Variants in PPP3R2 observed in about 807,000 individuals in gnomAD.
The protein encoded by PPP3R2 is calcineurin subunit B type 2.
For synonymous variants in PPP3R2, 91 were observed against 91.5 expected (o/e 0.99, Z 0.03); for missense variants, 225 against 217.4 (o/e 1.03, Z -0.22).
At position 101,593,450 on chromosome 9, in the gene PPP3R2, A is replaced by G. The variant is rs767199481; in HGVS notation, c.*959T>C. The G allele has an allele frequency of 1.3e-5, 2 of 152,280 alleles. No individual in the cohort carries two copies. The highest frequency in any genetic ancestry group is 2.9e-5 in the Non-Finnish European group (2 of 68,074). 9.4% of individuals were successfully genotyped at this position (152,280 alleles called of 1,614,324 possible). Reference sequence around the variant, plus strand: ...TGGAGACACAATTGTCAGTCTCTGCATCTGTGAGCAACAGACATAATGCCA... The same window carrying G: ...TGGAGACACAATTGTCAGTCTCTGCGTCTGTGAGCAACAGACATAATGCCA... On this transcript the variant is annotated 3_prime_UTR_variant, in exon 1 of 1. Coordinates refer to ENST00000374806, the MANE Select transcript of PPP3R2 (RefSeq NM_147180.4).
rs1370667070 is a variant in PPP3R2, at chr9:101,594,208, C to T, written c.*201G>A. 5.0e-6 allele frequency: 3 copies of T among 603,024 alleles called. No homozygotes were observed. The highest frequency in any genetic ancestry group is 8.2e-6 in the Non-Finnish European group (3 of 367,380). 37.4% of individuals were successfully genotyped at this position (603,024 alleles called of 1,614,324 possible). A position where few individuals can be genotyped will look rare whatever the true frequency, so the allele number is the denominator to read the frequency against. On this transcript the variant is annotated 3_prime_UTR_variant, in exon 1 of 1. Coordinates refer to ENST00000374806, the MANE Select transcript of PPP3R2 (RefSeq NM_147180.4). ...ACTATGCTCATTTGACTTGCTCTTC[C>T]CCCTATAGGGTACCCTGAGTCATTC... is the stretch of plus-strand genomic sequence containing the variant.
In PPP3R2 at chr9:101,594,945, G is replaced by C; in HGVS notation, c.-24C>G. ...ATTGTGGACATCTGGCAACGGCCAC[G>C]GCTCAAAGGGTCGGAGAGGGGAGCA... On this transcript the variant is annotated 5_prime_UTR_variant, in exon 1 of 1. Coordinates refer to ENST00000374806, the MANE Select transcript of PPP3R2 (RefSeq NM_147180.4). The C allele has an allele frequency of 6.3e-7, 1 of 1,589,758 alleles. No individual in the cohort carries two copies. Among genetic ancestry groups the C allele is most frequent in the African/African-American group, 1.3e-5 (1 of 74,882 alleles).
Position 101,594,960 on chromosome 9 carries a change from A to T in PPP3R2, c.-39T>A. On this transcript the variant is annotated 5_prime_UTR_variant, in exon 1 of 1. Coordinates refer to ENST00000374806, the MANE Select transcript of PPP3R2 (RefSeq NM_147180.4). ...CAACGGCCACGGCTCAAAGGGTCGG[A>T]GAGGGGAGCAGGGGCGGTGAGCTCG... The T allele has an allele frequency of 6.4e-7, 1 of 1,574,572 alleles. No individual in the cohort carries two copies. The highest frequency in any genetic ancestry group is 8.6e-7 in the Non-Finnish European group (1 of 1,167,044).
chr9:101,592,091 G>T lies in PPP3R2; in HGVS notation c.*2318C>A, dbSNP rs1387561826. 2 of 152,150 alleles carry T rather than the reference G, an allele frequency of 1.3e-5. No homozygotes were observed. The highest frequency in any genetic ancestry group is 2.9e-5 in the Non-Finnish European group (2 of 68,022). The allele number at this position is 152,150 out of a possible 1,614,324, so 9.4% of individuals were successfully genotyped here. A position where few individuals can be genotyped will look rare whatever the true frequency, so the allele number is the denominator to read the frequency against. On this transcript the variant is annotated 3_prime_UTR_variant, in exon 1 of 1. Coordinates refer to ENST00000374806, the MANE Select transcript of PPP3R2 (RefSeq NM_147180.4). ...AATTCCTCCACAAAAAGTTAAATAG[G>T]TTGGGCTGGAATGAGAGATTTTGTT...
Position 101,593,720 on chromosome 9 carries a change from A to C in PPP3R2, c.*689T>G, listed in dbSNP as rs989051285. 5.9e-5 allele frequency: 9 copies of C among 152,204 alleles called. No homozygotes were observed. The highest frequency in any genetic ancestry group is 2.2e-4 in the African/African-American group (9 of 41,440). 9.4% of individuals were successfully genotyped at this position (152,204 alleles called of 1,614,324 possible). A position where few individuals can be genotyped will look rare whatever the true frequency, so the allele number is the denominator to read the frequency against. ...AATGAGGATGATGGCTGAGCTGGGC[A>C]CTTAGTCCAGGCTTAGCATTTCCTA... On this transcript the variant is annotated 3_prime_UTR_variant, in exon 1 of 1. Transcript: ENST00000374806.
rs1346281625 is a variant in PPP3R2 at position 101,592,515 on chromosome 9, G to C, written c.*1894C>G. On this transcript the variant is annotated 3_prime_UTR_variant, in exon 1 of 1. Coordinates refer to ENST00000374806, the MANE Select transcript of PPP3R2 (RefSeq NM_147180.4). ...CATGCTCACACAGCTAAAAAGAAGT[G>C]AGTGTGATAACAACCCAGTTGCAAC... The C allele has an allele frequency of 6.6e-6, 1 of 152,188 alleles. No individual in the cohort carries two copies. The highest frequency in any genetic ancestry group is 1.9e-4 in the East Asian group (1 of 5,192). 9.4% of individuals were successfully genotyped at this position (152,188 alleles called of 1,614,324 possible).
At position 101,594,663 on chromosome 9, in the gene PPP3R2, C is replaced by T. The variant is rs1828088277; in HGVS notation, c.259G>A (p.Asp87Asn). Residue 87 changes from aspartate to asparagine, a missense_variant, in exon 1 of 1, where the codon GAC (aspartate) becomes AAC (asparagine). Physicochemically the swap from Asp to Asn is conservative, Grantham distance 23. Transcript: ENST00000374806. Reference protein sequence around the residue: ...LGTSQFSVKGDEEQKLRFAFS... With the variant: ...LGTSQFSVKGNEEQKLRFAFS... ...GCAAACCTCAACTTCTGCTCCTCGT[C>T]GCCCTTGACGCTGAACTGGGAGGTC... is the stretch of plus-strand genomic sequence containing the variant. The T allele has an allele frequency of 1.2e-6, 2 of 1,614,218 alleles. No homozygotes were observed. The highest frequency in any genetic ancestry group is 1.7e-6 in the Non-Finnish European group (2 of 1,180,044).
rs746497872 is a variant in PPP3R2 at position 101,594,774 on chromosome 9, G to T, written c.148C>A (p.Arg50Ser). The change falls in exon 1 of 1, where the codon CGC (arginine) becomes AGC (serine). Residue 50 changes from arginine (R) to serine (S), a missense_variant. Coordinates refer to ENST00000374806, the MANE Select transcript of PPP3R2 (RefSeq NM_147180.4). ...ACTCGCCGCACCAACGGGTTGTGGC[G>T]CAGCTCCGGCAGGGACATGAACTCC... Reference protein sequence around the residue: ...VEEFMSLPELRHNPLVRRVID... With the variant: ...VEEFMSLPELSHNPLVRRVID... 2 of 1,613,844 alleles carry T rather than the reference G, an allele frequency of 1.2e-6. No homozygotes were observed. The highest frequency in any genetic ancestry group is 1.7e-6 in the Non-Finnish European group (2 of 1,180,040).
chr9:101,594,606 A>G lies in PPP3R2; in HGVS notation c.316T>C (p.Tyr106His). 1 of 1,614,222 alleles carries G rather than the reference A, an allele frequency of 6.2e-7. No individual in the cohort carries two copies. The highest frequency in any genetic ancestry group is 8.5e-7 in the Non-Finnish European group (1 of 1,180,048). Residue 106 changes from tyrosine to histidine, a missense_variant, in exon 1 of 1, where the codon TAC becomes CAC. Coordinates refer to ENST00000374806, the MANE Select transcript of PPP3R2 (RefSeq NM_147180.4). ...TGGAAGAGCTCCCCGTTGGAAATGT[A>G]GCCATCTTTATCCATGTCGTAAATG... ...FSIYDMDKDG[Y>H]ISNGELFQVL...
rs1828045752 is a variant in PPP3R2 at position 101,592,586 on chromosome 9, C to G, written c.*1823G>C. The stretch of plus-strand genomic sequence containing the variant: ...TCTGAATCTTTGAACATTACATAAC[C>G]CTGATCACCACAGGGTTGGGAGCGT... On this transcript the variant is annotated 3_prime_UTR_variant, in exon 1 of 1. Coordinates refer to ENST00000374806, the MANE Select transcript of PPP3R2 (RefSeq NM_147180.4). The G allele has an allele frequency of 6.6e-6, 1 of 152,090 alleles. No individual in the cohort carries two copies. 9.4% of individuals were successfully genotyped at this position (152,090 alleles called of 1,614,324 possible). A position where few individuals can be genotyped will look rare whatever the true frequency, so the allele number is the denominator to read the frequency against.
rs752505094 is a variant in PPP3R2, at chr9:101,594,415, G to A, written c.507C>T (p.Ile169=). Residue 169 remains isoleucine, a synonymous_variant, in exon 1 of 1, where the codon ATC becomes ATT. Coordinates refer to ENST00000374806, the MANE Select transcript of PPP3R2 (RefSeq NM_147180.4). ...GTGCTTGTAAGAAAAAGGCTCATAC[G>A]ATGAGGACCAGCTTCTTGTGGATCT... ...DLEIHKKLVL[I]V The A allele has an allele frequency of 8.7e-6, 14 of 1,601,798 alleles. No homozygotes were observed. The East Asian group carries it at 2.5e-4, about 28-fold the overall frequency.
rs1314172669 is a variant in PPP3R2 at position 101,592,209 on chromosome 9, C to A, written c.*2200G>T. 6.6e-6 allele frequency: 1 copy of A among 152,210 alleles called. No homozygotes were observed. Among genetic ancestry groups the A allele is most frequent in the Non-Finnish European group, 1.5e-5 (1 of 68,056 alleles). The allele number at this position is 152,210 out of a possible 1,614,324, so 9.4% of individuals were successfully genotyped here. On this transcript the variant is annotated 3_prime_UTR_variant, in exon 1 of 1. Coordinates refer to ENST00000374806, the MANE Select transcript of PPP3R2 (RefSeq NM_147180.4). ...ACCTTGAAATTGTTCCCATTGTTTT[C>A]TCTCTGGGCTTGGACATGGGCTGTA...
rs1828085847 is a variant in PPP3R2 at position 101,594,580 on chromosome 9, C to T, written c.342G>A (p.Gln114=). ...TGTTGCCCACCATCATCTTCAGCAC[C>T]TGGAAGAGCTCCCCGTTGGAAATGT... ...DGYISNGELF[Q]VLKMMVGNNL... Residue 114 remains glutamine, a synonymous_variant, in exon 1 of 1, where the codon CAG becomes CAA. Coordinates refer to ENST00000374806, the MANE Select transcript of PPP3R2 (RefSeq NM_147180.4). 6.2e-7 allele frequency: 1 copy of T among 1,614,212 alleles called. No homozygotes were observed. The highest frequency in any genetic ancestry group is 1.3e-5 in the African/African-American group (1 of 75,046).
chr9:101,593,683 A>T lies in PPP3R2; in HGVS notation c.*726T>A, dbSNP rs1028043123. ...TGCTGGTGTGGGCTGCCAACCCTGG[A>T]AACCCACTGCTAATGAGGATGATGG... On this transcript the variant is annotated 3_prime_UTR_variant, in exon 1 of 1. Transcript: ENST00000374806. The T allele has an allele frequency of 6.6e-6, 1 of 152,212 alleles. No homozygotes were observed. Among genetic ancestry groups the T allele is most frequent in the Non-Finnish European group, 1.5e-5 (1 of 68,106 alleles). The allele number at this position is 152,212 out of a possible 1,614,324, so 9.4% of individuals were successfully genotyped here.
In PPP3R2 at chr9:101,594,664, G is replaced by C. The variant is rs368922664; in HGVS notation, c.258C>G (p.Gly86=). The part of the protein sequence containing the change: ...ILGTSQFSVK[G]DEEQKLRFAF... Reference sequence around the variant, plus strand: ...CAAACCTCAACTTCTGCTCCTCGTCGCCCTTGACGCTGAACTGGGAGGTCC... The same window carrying C: ...CAAACCTCAACTTCTGCTCCTCGTCCCCCTTGACGCTGAACTGGGAGGTCC... Residue 86 remains glycine, a synonymous_variant, in exon 1 of 1, where the codon GGC becomes GGG. Transcript: ENST00000374806. 2.5e-6 allele frequency: 4 copies of C among 1,614,010 alleles called. No homozygotes were observed. The African/African-American group carries it at 5.3e-5, about 22-fold the overall frequency.
Position 101,594,909 on chromosome 9 carries a change from C to G in PPP3R2, c.13G>C (p.Ala5Pro). The part of the protein sequence containing the change: MGNE[A>P]SYPAEMCSHF... The stretch of plus-strand genomic sequence containing the variant: ...GAGCACATCTCCGCCGGGTAACTGG[C>G]CTCGTTTCCCATTGTGGACATCTGG... The change falls in exon 1 of 1, where the codon GCC (alanine) becomes CCC (proline). Residue 5 changes from alanine (A) to proline (P), a missense_variant. Transcript: ENST00000374806. 6.3e-7 allele frequency: 1 copy of G among 1,599,080 alleles called. No individual in the cohort carries two copies. Among genetic ancestry groups the G allele is most frequent in the Non-Finnish European group, 8.5e-7 (1 of 1,179,468 alleles).
Position 101,594,605 on chromosome 9 carries a change from T to C in PPP3R2, c.317A>G (p.Tyr106Cys), listed in dbSNP as rs771520274. The C allele has an allele frequency of 2.8e-5, 46 of 1,614,088 alleles. No individual in the cohort carries two copies. The South Asian group carries it at 3.7e-4, about 13-fold the overall frequency. The stretch of plus-strand genomic sequence containing the variant: ...CTGGAAGAGCTCCCCGTTGGAAATG[T>C]AGCCATCTTTATCCATGTCGTAAAT... ...FSIYDMDKDG[Y>C]ISNGELFQVL... The change falls in exon 1 of 1, where the codon TAC becomes TGC. Residue 106 changes from tyrosine to cysteine, a missense_variant. By Grantham distance (194) the Tyr-to-Cys change is radical. Transcript: ENST00000374806.
In PPP3R2 at chr9:101,592,353, G is replaced by A. The variant is rs1039625113; in HGVS notation, c.*2056C>T. The A allele has an allele frequency of 6.6e-6, 1 of 152,250 alleles. No individual in the cohort carries two copies. The highest frequency in any genetic ancestry group is 2.4e-5 in the African/African-American group (1 of 41,454). 9.4% of individuals were successfully genotyped at this position (152,250 alleles called of 1,614,324 possible). On this transcript the variant is annotated 3_prime_UTR_variant, in exon 1 of 1. Coordinates refer to ENST00000374806, the MANE Select transcript of PPP3R2 (RefSeq NM_147180.4). ...GATCTTGTAGAAGGGGAAGAAGGGG[G>A]AAGGGAAGGGAATTAGTTGAATGAA...
chr9:101,594,654 G>C lies in PPP3R2; in HGVS notation c.268C>G (p.Gln90Glu). ...ATGCTGAACGCAAACCTCAACTTCT[G>C]CTCCTCGTCGCCCTTGACGCTGAAC... The part of the protein sequence containing the change: ...SQFSVKGDEE[Q>E]KLRFAFSIYD... The change falls in exon 1 of 1, where the codon CAG becomes GAG. Residue 90 changes from glutamine (Q) to glutamate (E), a missense_variant. By Grantham distance (29) the Gln-to-Glu change is conservative. Transcript: ENST00000374806. The C allele has an allele frequency of 6.2e-7, 1 of 1,614,222 alleles. No homozygotes were observed. The highest frequency in any genetic ancestry group is 8.5e-7 in the Non-Finnish European group (1 of 1,180,044).
Sources: gnomAD v4.1 joint callset for allele counts on GRCh38, gnomAD v4.1.1 for gene constraint, MANE v1.5 for transcripts, NCBI Gene and HGNC (gene_info 2026-07-23, HGNC 2026-07-21) for gene names.